Variants in HEXA observed in about 807,000 individuals in gnomAD.
HEXA encodes hexosaminidase subunit alpha.
HEXA carries 54 observed loss-of-function variants against 73.3 expected under a neutral mutation model. The ratio of observed to expected loss-of-function variants is 0.74; its 90% confidence interval spans 0.59 to 0.92. HEXA has a LOEUF of 0.92. Among genes scored for constraint, HEXA ranks in the 40% least tolerant of loss-of-function variants. HEXA has a pLI of 0.00. For missense variants in HEXA, 649 were observed against 653.0 expected (o/e 0.99, Z 0.07); for synonymous variants, 230 against 246.9 (o/e 0.93, Z 0.64).
In HEXA at chr15:72,344,018, T is replaced by C. The variant is rs1030326678; in HGVS notation, c.*59A>G. On this transcript the variant is annotated 3_prime_UTR_variant, in exon 14 of 14. Coordinates refer to ENST00000268097, the MANE Select transcript of HEXA (RefSeq NM_000520.6). Reference sequence around the variant, plus strand: ...GCTCCGTCCCCTGGCCAGGATGCAGTGGAAGCCTGGCTCCACTACCATTCA... The same window carrying C: ...GCTCCGTCCCCTGGCCAGGATGCAGCGGAAGCCTGGCTCCACTACCATTCA... 2.1e-6 allele frequency: 3 copies of C among 1,435,580 alleles called. No individual in the cohort carries two copies. In the African/African-American group the frequency reaches 4.2e-5, roughly 20 times the overall value. 88.9% of individuals were successfully genotyped at this position (1,435,580 alleles called of 1,614,324 possible). A position where few individuals can be genotyped will look rare whatever the true frequency, so the allele number is the denominator to read the frequency against.
At position 72,374,273 on chromosome 15, in the gene HEXA, T is replaced by C. The variant is rs548851666; in HGVS notation, c.253+1447A>G. On this transcript the variant is annotated intron_variant, in intron 1 of 13. Transcript: ENST00000268097. ...ACTCTTCTAAACCAAAATCAACATA[T>C]TCTGAGTGCCAATCTTGGGTAAGGC... 2.0e-5 allele frequency among the ~76,000 whole-genome samples: 3 copies of C among 152,250 alleles called. No individual in the cohort carries two copies. The East Asian group carries it at 5.8e-4, about 29-fold the overall frequency.
At chr15:72,362,272 C>G (rs949231234) in intron 1 of HEXA, 3 of 199,986 alleles carry the variant, frequency 1.5e-5, no homozygotes, top group East Asian at 3.2e-4. Context: ...TTATTCCCCC[C>G]CTCTTTCCTA....
Position 72,375,702 on chromosome 15 carries a change from G to A in HEXA, c.253+18C>T, listed in dbSNP as rs771013647. 6.2e-6 allele frequency: 10 copies of A among 1,613,900 alleles called. No individual in the cohort carries two copies. The highest frequency in any genetic ancestry group is 8.5e-6 in the Non-Finnish European group (10 of 1,179,916). ...CACTCTCAGGGCCCAGGAACAGGGC[G>A]GGACAAGTCCGACTCACCTGTGAGG... On this transcript the variant is annotated intron_variant, in intron 1 of 13. Transcript: ENST00000268097.
At chr15:72,356,051 C>T (rs1400787010) in intron 2 of HEXA, 1 of 429,606 alleles carries the variant, frequency 2.3e-6, no homozygotes, top group Non-Finnish European at 4.6e-6. Context: ...CTCTATGCTT[C>T]AGCTACTTCC....
intron 1 of HEXA, chr15:72,370,655 C>A: frequency 2.6e-6 from 1 of 389,832 alleles, no homozygotes; most frequent in African/African-American, 2.1e-5. Flanking sequence ...CGTGATCACA[C>A]CACTGCACTC....
chr15:72,364,303 A>T (rs749756219), intron 1 of HEXA, among the ~76,000 whole-genome samples: 7 of 152,058 alleles, frequency 4.6e-5, no homozygotes, highest in Non-Finnish European at 8.8e-5. Context: ...AAAAACAGAA[A>T]AAAAAAATGG....
chr15:72,350,601 T>C lies in HEXA; in HGVS notation c.722A>G (p.Glu241Gly), dbSNP rs1404037191. ...THIYTAQDVK[E>G]VIEYARLRGI... ...CCGGAGCCGTGCGTATTCAATGACC[T>C]CCTTCACATCCTGTGCTGTGTAGAT... Residue 241 changes from glutamate (E) to glycine (G), a missense_variant, in exon 7 of 14, where the codon GAG becomes GGG. Glu to Gly is a moderately conservative substitution (Grantham distance 98). Transcript: ENST00000268097. 2 of 1,614,020 alleles carry C rather than the reference T, an allele frequency of 1.2e-6. No individual in the cohort carries two copies. The highest frequency in any genetic ancestry group is 2.2e-5 in the East Asian group (1 of 44,894).
At chr15:72,356,280 C>A (rs1377704644) in intron 2 of HEXA, among the ~76,000 whole-genome samples, 3 of 152,092 alleles carry the variant, frequency 2.0e-5, no homozygotes, top group African/African-American at 7.2e-5. Context: ...TTCAGTACAC[C>A]AGGTAGAAGT....
chr15:72,347,402 T>C (rs534759442), intron 10 of HEXA, among the ~76,000 whole-genome samples: 1 of 151,326 alleles, frequency 6.6e-6, no homozygotes, highest in East Asian at 2.0e-4. Context: ...CTCCTGATTT[T>C]TGTATTTTTT....
At chr15:72,358,986 A>C (rs1480597008) in intron 1 of HEXA, 1 of 152,528 alleles carries the variant, frequency 6.6e-6, no homozygotes, top group Non-Finnish European at 1.5e-5. Flanking sequence ...TGGGAAGCAC[A>C]GTATGGCAAA....
At chr15:72,375,587 C>T (rs1040118968) in intron 1 of HEXA, 133 bp downstream of exon 1, 5 of 924,972 alleles carry the variant, frequency 5.4e-6, no homozygotes, top group African/African-American at 3.3e-5. Flanking sequence ...TAATGCAGCT[C>T]GAGGAGGAAG....
At chr15:72,373,966 T>C (rs12900308) in intron 1 of HEXA, among the ~76,000 whole-genome samples, 1 of 145,254 alleles carries the variant, frequency 6.9e-6, no homozygotes, top group Non-Finnish European at 1.5e-5. Context: ...ATCACTGCAC[T>C]CAGCCTCAGT....
At chr15:72,346,953 G>C (rs1472941185) in intron 10 of HEXA, among the ~76,000 whole-genome samples, 1 of 151,964 alleles carries the variant, frequency 6.6e-6, no homozygotes, top group Non-Finnish European at 1.5e-5. Context: ...TGTCCACACA[G>C]AGCTAGTAAT....
At chr15:72,345,749 G>T in intron 12 of HEXA, 199 bp from the exon 13 acceptor site, 2 of 721,604 alleles carry the variant, frequency 2.8e-6, no homozygotes, top group Non-Finnish European at 4.7e-6. Context: ...TCATTAAAAT[G>T]TGGGTAGCAA....
At chr15:72,345,911 G>A (rs1024054601) in intron 12 of HEXA, 8 of 528,998 alleles carry the variant, frequency 1.5e-5, no homozygotes, top group Non-Finnish European at 2.7e-5. Context: ...AAACAGCAGA[G>A]GGAAGCCTTA....
intron 12 of HEXA, chr15:72,345,988 T>A (rs2088607256): frequency 1.7e-6 from 1 of 572,982 alleles, no homozygotes. Flanking sequence ...GGCCTCATTA[T>A]CTCTCTGGGA....
intron 8 of HEXA, among the ~76,000 whole-genome samples, chr15:72,348,714 A>G (rs1323516049): frequency 6.6e-6 from 1 of 152,206 alleles, no homozygotes; most frequent in East Asian, 1.9e-4. Flanking sequence ...CTAATTAGAC[A>G]TTGTCACCTA....
Position 72,348,028 on chromosome 15 carries a change from C to A in HEXA, c.1073+20G>T. 6.4e-7 allele frequency: 1 copy of A among 1,570,982 alleles called. No homozygotes were observed. Among genetic ancestry groups the A allele is most frequent in the South Asian group, 1.1e-5 (1 of 90,086 alleles). ...AGGAGGACCCCCAAGGGACCCCACC[C>A]ACCCTCCTTCCTTCCTCACGTCTGG... On this transcript the variant is annotated intron_variant, in intron 9 of 13. Coordinates refer to ENST00000268097, the MANE Select transcript of HEXA (RefSeq NM_000520.6).
In HEXA at chr15:72,375,832, C is replaced by T; in HGVS notation, c.141G>A (p.Gln47=). ...GCTGCGCGGCCGAGCTGACATCGTA[C>T]TGGAATTGAAAGTTGTTCGGGTAAA... is the stretch of plus-strand genomic sequence containing the variant. ...YVLYPNNFQF[Q]YDVSSAAQPG... is the part of the protein sequence containing the mutation. The change falls in exon 1 of 14, where the codon CAG becomes CAA. Residue 47 remains glutamine, a synonymous_variant. Transcript: ENST00000268097. 6.2e-7 allele frequency: 1 copy of T among 1,614,252 alleles called. No individual in the cohort carries two copies. Among genetic ancestry groups the T allele is most frequent in the Non-Finnish European group, 8.5e-7 (1 of 1,180,048 alleles).
Sources: allele counts gnomAD v4.1 joint callset (sites outside exome capture counted in the v4.1 genomes callset), GRCh38; gene constraint gnomAD v4.1.1; transcripts MANE v1.5; gene names NCBI Gene and HGNC (gene_info 2026-07-23, HGNC 2026-07-21).